The following BMPR1B variants were observed in gnomAD, a reference collection of about 807,000 sequenced individuals.
The protein encoded by BMPR1B is bone morphogenetic protein receptor type-1B.
A neutral mutation model predicts 59.1 loss-of-function variants in BMPR1B; 12 were observed. The observed-to-expected ratio is 0.20, with a 90% CI of 0.13 to 0.33. The LOEUF (loss-of-function observed/expected upper bound fraction) is 0.33, where lower values mean the gene tolerates loss of function less well. BMPR1B is among the 10% of genes least tolerant of loss of function. BMPR1B has a pLI of 1.00. For synonymous variants in BMPR1B, 237 were observed against 207.3 expected (o/e 1.14, Z -1.23); for missense variants, 550 against 610.9 (o/e 0.90, Z 1.05).
intron 1 of BMPR1B, among the ~76,000 whole-genome samples, chr4:94,778,814 T>G (rs1441844541): frequency 6.6e-6 from 1 of 152,174 alleles, no homozygotes; most frequent in South Asian, 2.1e-4. Context: ...TTTGTTCTTT[T>G]CCTCTGCCAA....
intron 2 of BMPR1B, among the ~76,000 whole-genome samples, chr4:94,950,606 G>A (rs1295797546): frequency 6.6e-6 from 1 of 152,112 alleles, no homozygotes; most frequent in Non-Finnish European, 1.5e-5. Context: ...TTGTAGATGT[G>A]TGGTGTTGTT....
At chr4:95,085,020 A>C (rs2149241000) in intron 3 of BMPR1B, among the ~76,000 whole-genome samples, 1 of 152,220 alleles carries the variant, frequency 6.6e-6, no homozygotes, top group Admixed American at 6.5e-5. Flanking sequence ...TTTGTATGTA[A>C]GTTTTTACAT....
chr4:94,795,929 A>G (rs1723173261), intron 1 of BMPR1B, among the ~76,000 whole-genome samples: 1 of 151,832 alleles, frequency 6.6e-6, no homozygotes, highest in South Asian at 2.1e-4. Context: ...AGAGACGGTC[A>G]GCAAATTCAG....
Position 95,091,387 on chromosome 4 carries a change from A to G in BMPR1B, c.-17-13021A>G, listed in dbSNP as rs1040760999. 2.7e-5 allele frequency: 24 copies of G among 877,300 alleles called. No homozygotes were observed. In the African/African-American group the frequency reaches 2.7e-4, roughly 10 times the overall value. 54.3% of individuals were successfully genotyped at this position (877,300 alleles called of 1,614,324 possible). A position where few individuals can be genotyped will look rare whatever the true frequency, so the allele number is the denominator to read the frequency against. ...GAACATAGCTCATTGCTTGACCGGA[A>G]TAATGTCTCTTGCCAGCTTATAATC... is the stretch of plus-strand genomic sequence containing the variant. On this transcript the variant is annotated intron_variant, in intron 3 of 12. Coordinates refer to ENST00000515059, the MANE Select transcript of BMPR1B (RefSeq NM_001203.3).
chr4:95,136,329 T>A (rs1451445311), intron 10 of BMPR1B, among the ~76,000 whole-genome samples: 1 of 152,186 alleles, frequency 6.6e-6, no homozygotes, highest in Non-Finnish European at 1.5e-5. Flanking sequence ...TATTGAGGAT[T>A]TTTGCATCGA....
rs528939417 is a variant in BMPR1B at position 95,022,332 on chromosome 4, G to C, written c.-18+26198G>C. ...TTTTGTGCACTGTTGCTAGGTAAGT[G>C]TTCCAAATCAGATGTATTTTCTGAC... is the stretch of plus-strand genomic sequence containing the variant. On this transcript the variant is annotated intron_variant, in intron 3 of 12. Transcript: ENST00000515059. Among the ~76,000 whole-genome samples the C allele has an allele frequency of 1.6e-3, 247 of 152,290 alleles. 2 individuals carry two copies. Among genetic ancestry groups the C allele is most frequent in the Admixed American group, 0.016 (245 of 15,300 alleles).
intron 3 of BMPR1B, among the ~76,000 whole-genome samples, chr4:95,063,819 GAAAAT>G (rs1727595125): frequency 6.6e-6 from 1 of 151,994 alleles, no homozygotes; most frequent in Non-Finnish European, 1.5e-5. Context: ...GGAGAAAAAT[GAAAAT>G]AAACAATAAA....
intron 3 of BMPR1B, among the ~76,000 whole-genome samples, chr4:95,039,418 CTTCT>C (rs1285115078): frequency 2.0e-5 from 2 of 99,424 alleles, no homozygotes; most frequent in Non-Finnish European, 4.1e-5. Flanking sequence ...CATTTTACTT[CTTCT>C]TTTTTTTTTT....
At chr4:94,882,241 G>A (rs1245014228) in intron 2 of BMPR1B, among the ~76,000 whole-genome samples, 5 of 151,992 alleles carry the variant, frequency 3.3e-5, no homozygotes, top group Non-Finnish European at 7.4e-5. Context: ...TTCATAGCAC[G>A]CAGAGGGAAC....
Position 94,879,816 on chromosome 4 carries a change from C to T in BMPR1B, c.-113+3916C>T, listed in dbSNP as rs139891677. Among the ~76,000 whole-genome samples, 545 of 151,996 alleles carry T rather than the reference C, an allele frequency of 3.6e-3. 3 individuals are homozygous for T. The highest frequency in any genetic ancestry group is 0.01 in the Middle Eastern group (3 of 294). ...TGGTGTGCATATGGGCAAGACTATA[C>T]TACACAGTGAAAAATCAGTTTTTAA... On this transcript the variant is annotated intron_variant, in intron 2 of 12. Coordinates refer to ENST00000515059, the MANE Select transcript of BMPR1B (RefSeq NM_001203.3).
intron 2 of BMPR1B, among the ~76,000 whole-genome samples, chr4:94,925,527 T>G (rs1207588493): frequency 6.6e-6 from 1 of 152,116 alleles, no homozygotes; most frequent in Middle Eastern, 3.2e-3. Flanking sequence ...TTATCAGAAG[T>G]TAAAATTTGT....
chr4:95,097,220 A>G (rs953811151), intron 3 of BMPR1B, among the ~76,000 whole-genome samples: 1 of 150,442 alleles, frequency 6.6e-6, no homozygotes, highest in African/African-American at 2.4e-5. Flanking sequence ...TTTAAAGATC[A>G]GTTATTAGAG....
rs1334212881 is a variant in BMPR1B, at chr4:95,155,436, C to CT, written c.*766dup. 3 of 117,328 alleles carry CT rather than the reference C, an allele frequency of 2.6e-5. No homozygotes were observed. Among genetic ancestry groups the CT allele is most frequent in the Non-Finnish European group, 5.1e-5 (3 of 58,882 alleles). 7.3% of individuals were successfully genotyped at this position (117,328 alleles called of 1,614,324 possible). On this transcript the variant is annotated 3_prime_UTR_variant, in exon 13 of 13. Coordinates refer to ENST00000515059, the MANE Select transcript of BMPR1B (RefSeq NM_001203.3). ...CTGTTTCTGATTGAGTTAGGCATCT[C>CT]TTTCATGGTAAAACCCTTTTCATTA... is the stretch of plus-strand genomic sequence containing the variant.
At chr4:95,094,931 A>G (rs1296730931) in intron 3 of BMPR1B, among the ~76,000 whole-genome samples, 6 of 152,076 alleles carry the variant, frequency 3.9e-5, no homozygotes, top group African/African-American at 1.4e-4. Flanking sequence ...TTCCCTACAT[A>G]TGATTTTGCT....
chr4:95,055,464 G>A (rs796937763), intron 3 of BMPR1B, among the ~76,000 whole-genome samples: 12 of 152,218 alleles, frequency 7.9e-5, no homozygotes, highest in African/African-American at 2.9e-4. Flanking sequence ...CTGAAAATCT[G>A]AACTGTTAGA....
intron 6 of BMPR1B, among the ~76,000 whole-genome samples, chr4:95,118,181 C>T (rs1732209110): frequency 1.3e-5 from 2 of 152,184 alleles, no homozygotes; most frequent in African/African-American, 4.8e-5. Context: ...AGAGTCTACT[C>T]AGGTAGTGTC....
chr4:94,972,073 G>A (rs1730812058), intron 2 of BMPR1B, among the ~76,000 whole-genome samples: 1 of 151,528 alleles, frequency 6.6e-6, no homozygotes, highest in South Asian at 2.1e-4. Flanking sequence ...TAGTATCATT[G>A]CAAATTATAG....
chr4:95,133,154 G>T (rs1269189456), intron 10 of BMPR1B, among the ~76,000 whole-genome samples: 1 of 151,994 alleles, frequency 6.6e-6, no homozygotes, highest in East Asian at 1.9e-4. Context: ...ATTCCCATTT[G>T]TACTGGGCCA....
intron 1 of BMPR1B, among the ~76,000 whole-genome samples, chr4:94,758,423 T>G (rs2110550370): frequency 6.6e-6 from 1 of 151,248 alleles, no homozygotes; most frequent in East Asian, 2.0e-4. Flanking sequence ...CTTCGGGCTG[T>G]AGGGACGCCC....
Sources: gnomAD v4.1 joint callset for allele counts (sites outside exome capture counted in the v4.1 genomes callset) on GRCh38, gnomAD v4.1.1 for gene constraint, MANE v1.5 for transcripts, NCBI Gene and HGNC (gene_info 2026-07-23, HGNC 2026-07-21) for gene names.